Variants in HIVEP3 observed in about 807,000 individuals in gnomAD.
HIVEP3 encodes the protein transcription factor HIVEP3.
In HIVEP3, 49 loss-of-function variants were observed where a neutral mutation model predicts 152.8. That is an observed-to-expected ratio of 0.32 (90% CI 0.26 to 0.41). The LOEUF (loss-of-function observed/expected upper bound fraction) is 0.41. Among genes scored for constraint, HIVEP3 ranks in the 10% least tolerant of loss-of-function variants. HIVEP3 has a pLI of 1.00. For synonymous variants in HIVEP3, 1,269 were observed against 1,289.0 expected, an observed-to-expected ratio of 0.98 and a Z score of 0.33; for missense variants, 2,790 against 3,103.3, an observed-to-expected ratio of 0.90 and a Z score of 2.40.
intron 1 of HIVEP3, among the ~76,000 whole-genome samples, chr1:41,773,721 G>T (rs1017208366): frequency 2.0e-5 from 3 of 152,228 alleles, no homozygotes; most frequent in African/African-American, 7.2e-5. Flanking sequence ...CCCAGAGAAA[G>T]TAAAAACTGC....
chr1:41,670,705 G>A (rs1645862298), intron 2 of HIVEP3, among the ~76,000 whole-genome samples: 1 of 152,206 alleles, frequency 6.6e-6, no homozygotes, highest in Admixed American at 6.5e-5. Context: ...AGGGTGGTTA[G>A]AGTCAGCCTC....
At chr1:41,818,220 C>T (rs1014178925) in intron 1 of HIVEP3, among the ~76,000 whole-genome samples, 1 of 152,142 alleles carries the variant, frequency 6.6e-6, no homozygotes, top group Non-Finnish European at 1.5e-5. Context: ...TATGAAGAGA[C>T]CTTCAAATGT....
chr1:41,906,962 C>T (rs943255860), intron 1 of HIVEP3, among the ~76,000 whole-genome samples: 6 of 151,334 alleles, frequency 4.0e-5, no homozygotes, highest in Non-Finnish European at 7.4e-5. Flanking sequence ...ACTGCCATTA[C>T]AAATTAGTGG....
intron 1 of HIVEP3, among the ~76,000 whole-genome samples, chr1:41,996,612 T>C (rs903259647): frequency 6.6e-6 from 1 of 152,166 alleles, no homozygotes; most frequent in African/African-American, 2.4e-5. Context: ...AGAGGAAGGA[T>C]GGGAGGATCC....
intron 1 of HIVEP3, among the ~76,000 whole-genome samples, chr1:41,993,043 A>T (rs1645372970): frequency 6.7e-6 from 1 of 150,130 alleles, no homozygotes; most frequent in African/African-American, 2.4e-5. Flanking sequence ...AACCATAAAA[A>T]CCCTAGAAGA....
chr1:41,937,452 A>G (rs1280854111), intron 1 of HIVEP3, among the ~76,000 whole-genome samples: 2 of 152,198 alleles, frequency 1.3e-5, no homozygotes, highest in Non-Finnish European at 2.9e-5. Flanking sequence ...GAGAGGATCG[A>G]AGGCCTTGAC....
chr1:41,685,945 G>A (rs1490525094), intron 2 of HIVEP3, among the ~76,000 whole-genome samples: 2 of 152,222 alleles, frequency 1.3e-5, no homozygotes, highest in East Asian at 3.8e-4. Flanking sequence ...ACAGGCACCA[G>A]TGGATCTGAC....
At chr1:41,517,231 A>G (rs1642632811) in intron 7 of HIVEP3, among the ~76,000 whole-genome samples, 1 of 152,216 alleles carries the variant, frequency 6.6e-6, no homozygotes, top group East Asian at 1.9e-4. Flanking sequence ...ACTGGCATGC[A>G]GCCAGGGTTT....
At chr1:41,786,382 C>CTTTCTT (rs1649349179) in intron 1 of HIVEP3, among the ~76,000 whole-genome samples, 5 of 152,210 alleles carry the variant, frequency 3.3e-5, no homozygotes, top group African/African-American at 1.2e-4. Flanking sequence ...GGGCCTGCCC[C>CTTTCTT]ACTTCTCAGC....
In HIVEP3 at chr1:41,680,758, G is replaced by A. The variant is rs139954933; in HGVS notation, c.-721+20158C>T. 3.9e-3 allele frequency among the ~76,000 whole-genome samples: 588 copies of A among 152,286 alleles called. 2 individuals are homozygous for A. The highest frequency in any genetic ancestry group is 0.013 in the African/African-American group (540 of 41,556). On this transcript the variant is annotated intron_variant, in intron 2 of 8. Coordinates refer to ENST00000372583, the MANE Select transcript of HIVEP3 (RefSeq NM_024503.5). The stretch of plus-strand genomic sequence containing the variant: ...GCACAATGTTGTATTAATACCTGTC[G>A]TCTACAACAACGTATTGTACACTTG...
chr1:41,702,255 C>A (rs1003993212), intron 1 of HIVEP3, among the ~76,000 whole-genome samples: 2 of 152,188 alleles, frequency 1.3e-5, no homozygotes, highest in African/African-American at 4.8e-5. Flanking sequence ...AGCACCACCA[C>A]CATCTTGCTT....
intron 1 of HIVEP3, among the ~76,000 whole-genome samples, chr1:41,761,254 A>G (rs368990341): frequency 4.6e-5 from 7 of 151,990 alleles, no homozygotes; most frequent in African/African-American, 1.7e-4. Flanking sequence ...ATGTGTATGT[A>G]TGCATGTGCA....
intron 1 of HIVEP3, among the ~76,000 whole-genome samples, chr1:41,983,444 G>A (rs1253141720): frequency 6.6e-6 from 1 of 151,998 alleles, no homozygotes; most frequent in Non-Finnish European, 1.5e-5. Flanking sequence ...TTATGTGCAG[G>A]CAGACACACA....
At chr1:41,710,920 A>G (rs759578022) in intron 1 of HIVEP3, among the ~76,000 whole-genome samples, 8 of 152,254 alleles carry the variant, frequency 5.3e-5, no homozygotes, top group Non-Finnish European at 1.2e-4. Context: ...CTTATCGTAT[A>G]GTCACCATCG....
chr1:41,782,731 C>CAAAAAA (rs10714772), intron 1 of HIVEP3, among the ~76,000 whole-genome samples: 1 of 113,578 alleles, frequency 8.8e-6, no homozygotes, highest in Non-Finnish European at 1.9e-5. Context: ...GACTCCATCT[C>CAAAAAA]AAAAAAAAAA....
At chr1:41,524,705 G>T (rs1642850708) in intron 6 of HIVEP3, 30 bp downstream of exon 6, 1 of 1,605,722 alleles carries the variant, frequency 6.2e-7, no homozygotes. Flanking sequence ...GCAGCGGGCA[G>T]GGGCAGTGCC....
At chr1:41,522,806 A>G (rs1261071158) in intron 6 of HIVEP3, among the ~76,000 whole-genome samples, 2 of 145,682 alleles carry the variant, frequency 1.4e-5, no homozygotes, top group Non-Finnish European at 3.1e-5. Flanking sequence ...CTCACGCGGC[A>G]GAGTGATGGT....
At chr1:41,795,925 G>C (rs1649957533) in intron 1 of HIVEP3, among the ~76,000 whole-genome samples, 1 of 152,162 alleles carries the variant, frequency 6.6e-6, no homozygotes, top group African/African-American at 2.4e-5. Flanking sequence ...CCTGGAATCA[G>C]TCATTTCTCC....
At chr1:41,896,703 T>A (rs185470272) in intron 1 of HIVEP3, among the ~76,000 whole-genome samples, 2 of 151,960 alleles carry the variant, frequency 1.3e-5, no homozygotes, top group African/African-American at 4.8e-5. Context: ...GCCTCCTGAG[T>A]AGCTGAGACC....
Sources: allele counts gnomAD v4.1 joint callset (sites outside exome capture counted in the v4.1 genomes callset), GRCh38; gene constraint gnomAD v4.1.1; transcripts MANE v1.5; gene names NCBI Gene and HGNC (gene_info 2026-07-23, HGNC 2026-07-21).